Variants in METTL15 observed in about 807,000 individuals in gnomAD.
METTL15 encodes the protein methyltransferase 15, mitochondrial 12S rRNA N4-cytidine.
A neutral mutation model predicts 38.3 loss-of-function variants in METTL15; 34 were observed. The ratio of observed to expected loss-of-function variants is 0.89; its 90% CI spans 0.68 to 1.18. The LOEUF is 1.18. Among genes scored for constraint, METTL15 ranks in the 50% most tolerant of loss-of-function variants. The pLI is 0.00. For synonymous variants in METTL15, 162 were observed against 170.9 expected (o/e 0.95, Z 0.41); for missense variants, 438 against 498.4 (o/e 0.88, Z 1.15).
intron 5 of METTL15, among the ~76,000 whole-genome samples, chr11:28,291,399 C>G (rs1356306504): frequency 6.6e-6 from 1 of 152,008 alleles, no homozygotes; most frequent in Non-Finnish European, 1.5e-5. Flanking sequence ...TAGATTAGGA[C>G]CTGTGTCTAT....
intron 3 of METTL15, among the ~76,000 whole-genome samples, chr11:28,177,952 C>T (rs1215397525): frequency 6.6e-6 from 1 of 151,954 alleles, no homozygotes; most frequent in Non-Finnish European, 1.5e-5. Flanking sequence ...TAATCGAAGA[C>T]AGTTACTCTT....
chr11:28,519,490 G>A (rs1477913935), intron 6 of METTL15: 1 of 152,166 alleles, frequency 6.6e-6, no homozygotes, highest in Admixed American at 6.5e-5. Flanking sequence ...GGGAGGCAGA[G>A]TTTGCAGTGA....
At chr11:28,311,003 T>TGAGAGA (rs150856463) in intron 6 of METTL15, among the ~76,000 whole-genome samples, 5 of 119,272 alleles carry the variant, frequency 4.2e-5, no homozygotes, top group South Asian at 2.5e-4. Context: ...TGTGTGTGTG[T>TGAGAGA]GAGAGAGAGA....
intron 6 of METTL15, among the ~76,000 whole-genome samples, chr11:28,485,725 T>G (rs1851432766): frequency 6.6e-6 from 1 of 152,188 alleles, no homozygotes; most frequent in Admixed American, 6.5e-5. Context: ...CTTAACCATC[T>G]CAGGTTGCCA....
intron 4 of METTL15, among the ~76,000 whole-genome samples, chr11:28,354,229 G>T (rs541297536): frequency 6.6e-6 from 1 of 152,286 alleles, no homozygotes; most frequent in South Asian, 2.1e-4. Flanking sequence ...TATCTGCAGA[G>T]CACACCAGAA....
At chr11:28,445,936 C>T (rs1399495295) in intron 6 of METTL15, among the ~76,000 whole-genome samples, 1 of 152,266 alleles carries the variant, frequency 6.6e-6, no homozygotes, top group East Asian at 1.9e-4. Context: ...TAGGCTTGAA[C>T]CCCCGTGCCT....
intron 4 of METTL15, among the ~76,000 whole-genome samples, chr11:28,237,507 A>T (rs1304268245): frequency 6.6e-6 from 1 of 151,874 alleles, no homozygotes; most frequent in East Asian, 1.9e-4. Context: ...ATTCGTCTAA[A>T]TTTTTTTCAA....
chr11:28,183,187 C>T (rs536700063), intron 3 of METTL15, among the ~76,000 whole-genome samples: 63 of 151,888 alleles, frequency 4.1e-4, no homozygotes, highest in African/African-American at 1.4e-3. Context: ...TAAATATACG[C>T]TCATGTCATC....
At chr11:28,149,539 C>T (rs966809872) in intron 3 of METTL15, among the ~76,000 whole-genome samples, 5 of 152,014 alleles carry the variant, frequency 3.3e-5, no homozygotes, top group African/African-American at 1.2e-4. Context: ...GTTACCTTTC[C>T]TTCTAGGCCG....
At chr11:28,138,666 C>T (rs958928076) in intron 3 of METTL15, among the ~76,000 whole-genome samples, 10 of 152,138 alleles carry the variant, frequency 6.6e-5, no homozygotes, top group African/African-American at 9.7e-5. Context: ...AGATACTAAC[C>T]GGAAAGTACT....
intron 5 of METTL15, among the ~76,000 whole-genome samples, chr11:28,374,769 T>C (rs1240451159): frequency 1.3e-5 from 2 of 151,126 alleles, no homozygotes; most frequent in African/African-American, 4.9e-5. Flanking sequence ...TGCTTCCAGT[T>C]TTTGCCCATT....
chr11:28,225,609 G>T (rs1853446768), intron 4 of METTL15, among the ~76,000 whole-genome samples: 1 of 151,052 alleles, frequency 6.6e-6, no homozygotes, highest in Non-Finnish European at 1.5e-5. Flanking sequence ...TCACCCCCTG[G>T]CTGGATGCTT....
intron 3 of METTL15, chr11:28,145,603 G>A (rs1849854470): frequency 6.6e-6 from 1 of 151,904 alleles, no homozygotes; most frequent in Non-Finnish European, 1.5e-5. Context: ...CCTGCAACGA[G>A]TGGTCTTTTG....
chr11:28,398,331 A>G (rs529590960), intron 5 of METTL15, among the ~76,000 whole-genome samples: 15 of 152,276 alleles, frequency 9.9e-5, no homozygotes, highest in African/African-American at 3.4e-4. Context: ...CATCCTCTTC[A>G]GCATCTGTTG....
chr11:28,182,800 G>T (rs778151905), intron 3 of METTL15, among the ~76,000 whole-genome samples: 3 of 151,918 alleles, frequency 2.0e-5, no homozygotes, highest in Non-Finnish European at 4.4e-5. Flanking sequence ...AAGAAAGTCA[G>T]TGGTAGCTTG....
chr11:28,390,090 G>C (rs1276734150), intron 5 of METTL15, among the ~76,000 whole-genome samples: 2 of 151,140 alleles, frequency 1.3e-5, no homozygotes, highest in South Asian at 4.2e-4. Flanking sequence ...TTTTTTTCTT[G>C]TAAATTTGTT....
intron 6 of METTL15, among the ~76,000 whole-genome samples, chr11:28,301,432 CTTA>C (rs749170054): frequency 1.3e-5 from 2 of 152,034 alleles, no homozygotes; most frequent in Non-Finnish European, 2.9e-5. Context: ...TTGTCTGGCA[CTTA>C]TTATGCTGTA....
chr11:28,512,518 G>A lies in METTL15; in HGVS notation c.*425-13960G>A, dbSNP rs563640767. 3.3e-5 allele frequency among the ~76,000 whole-genome samples: 5 copies of A among 152,318 alleles called. No individual in the cohort carries two copies. In the South Asian group the frequency reaches 6.2e-4, roughly 19 times the overall value. ...GGCCCGGTGAGAAATCAATCTCAGCGCCGGTGAGCCGGCACTGCTGGGGGA... is the reference window on the plus strand; with the variant it reads ...GGCCCGGTGAGAAATCAATCTCAGCACCGGTGAGCCGGCACTGCTGGGGGA... On this transcript the variant is annotated intron_variant and NMD_transcript_variant, in intron 6 of 7. Transcript: ENST00000532947.
chr11:28,321,420 A>G (rs1849463874), intron 6 of METTL15, among the ~76,000 whole-genome samples: 1 of 152,140 alleles, frequency 6.6e-6, no homozygotes, highest in Non-Finnish European at 1.5e-5. Flanking sequence ...AAGTATTATA[A>G]TTTTTTATGC....
Sources: allele counts gnomAD v4.1 joint callset (sites outside exome capture counted in the v4.1 genomes callset), GRCh38; gene constraint gnomAD v4.1.1; transcripts MANE v1.5; gene names NCBI Gene and HGNC (gene_info 2026-07-23, HGNC 2026-07-21).